The following PRELID2 variants were observed in gnomAD, a reference collection of about 807,000 sequenced individuals.
PRELID2 encodes the protein PRELI domain containing 2.
A neutral mutation model predicts 28.4 loss-of-function variants in PRELID2; 25 were observed. The ratio of observed to expected loss-of-function variants is 0.88; its 90% CI spans 0.64 to 1.23. The LOEUF (loss-of-function observed/expected upper bound fraction) is 1.23, where lower values mean the gene tolerates loss of function less well. PRELID2 is among the 50% of genes most tolerant of loss of function. The pLI, the probability that PRELID2 is intolerant of heterozygous loss-of-function variation, is 0.00. For missense variants in PRELID2, 201 were observed against 214.4 expected, an observed-to-expected ratio of 0.94 and a Z score of 0.39; for synonymous variants, 76 against 71.6, an observed-to-expected ratio of 1.06 and a Z score of -0.31.
the PRELID2 span, among the ~76,000 whole-genome samples, chr5:145,335,826 T>C: frequency 6.6e-6 from 1 of 152,332 alleles, no homozygotes; most frequent in African/African-American, 2.4e-5. Flanking sequence ...TTTCTAGTTC[T>C]AGATCCCTGA....
At chr5:145,588,321 G>A (rs575835731) in intron 1 of PRELID2, among the ~76,000 whole-genome samples, 2 of 152,136 alleles carry the variant, frequency 1.3e-5, no homozygotes, top group Admixed American at 6.5e-5. Context: ...AATTCCTCCT[G>A]AGCAGCACAT....
the PRELID2 span, among the ~76,000 whole-genome samples, chr5:145,233,168 T>C: frequency 6.6e-6 from 1 of 152,152 alleles, no homozygotes; most frequent in Non-Finnish European, 1.5e-5. Context: ...AATTTACCCA[T>C]GATCATACTG....
chr5:145,413,241 C>A, the PRELID2 span, among the ~76,000 whole-genome samples: 1 of 152,302 alleles, frequency 6.6e-6, no homozygotes, highest in East Asian at 1.9e-4. Flanking sequence ...AAATGCTCAA[C>A]ATCACTAATG....
At chr5:145,764,899 T>G (rs1561581934) in intron 6 of PRELID2, 32 bp downstream of exon 6, 9 of 1,515,338 alleles carry the variant, frequency 5.9e-6, no homozygotes, top group Non-Finnish European at 8.2e-6. Flanking sequence ...ATGGCTTGTG[T>G]AAATAATTCT....
At chr5:145,703,326 T>C (rs1755457744) in intron 1 of PRELID2, among the ~76,000 whole-genome samples, 1 of 152,248 alleles carries the variant, frequency 6.6e-6, no homozygotes, top group South Asian at 2.1e-4. Context: ...TATTACCAAA[T>C]ACCCTTGATG....
the PRELID2 span, chr5:145,430,010 C>T: frequency 6.6e-6 from 1 of 152,402 alleles, no homozygotes; most frequent in South Asian, 2.1e-4. Flanking sequence ...GTCTGTATTA[C>T]CTGAATGCAG....
intron 1 of PRELID2, among the ~76,000 whole-genome samples, chr5:145,503,068 G>A (rs936770233): frequency 6.6e-6 from 1 of 152,146 alleles, no homozygotes; most frequent in Non-Finnish European, 1.5e-5. Context: ...GGATGGCTGG[G>A]AGAGTATTCA....
chr5:145,811,724 G>C (rs944659553), intron 4 of PRELID2, among the ~76,000 whole-genome samples: 2 of 152,204 alleles, frequency 1.3e-5, no homozygotes, highest in Admixed American at 1.3e-4. Context: ...AAAATAGCCA[G>C]ACACAGAAAA....
chr5:145,419,633 C>T, the PRELID2 span, among the ~76,000 whole-genome samples: 2 of 151,380 alleles, frequency 1.3e-5, no homozygotes, highest in Non-Finnish European at 2.9e-5. Context: ...GATATTAGCC[C>T]TTTGTCAGAT....
At chr5:145,583,407 T>C (rs1415436813) in intron 1 of PRELID2, among the ~76,000 whole-genome samples, 3 of 152,016 alleles carry the variant, frequency 2.0e-5, no homozygotes, top group Non-Finnish European at 4.4e-5. Context: ...CTCTCACCAT[T>C]CCTATTCAAC....
At chr5:145,380,914 G>A in the PRELID2 span, among the ~76,000 whole-genome samples, 3 of 152,132 alleles carry the variant, frequency 2.0e-5, no homozygotes, top group Non-Finnish European at 4.4e-5. Flanking sequence ...ATGGGACACA[G>A]GTTTTATGCA....
intron 5 of PRELID2, among the ~76,000 whole-genome samples, chr5:145,788,965 T>C (rs1752186287): frequency 6.6e-6 from 1 of 152,118 alleles, no homozygotes; most frequent in African/African-American, 2.4e-5. Context: ...AAAAGATCTC[T>C]ACACTGAAAA....
chr5:145,573,222 T>C (rs754443199), intron 1 of PRELID2, among the ~76,000 whole-genome samples: 38 of 152,180 alleles, frequency 2.5e-4, no homozygotes, highest in Admixed American at 1.2e-3. Context: ...TTCTACATTC[T>C]AGCAACCTCA....
chr5:145,311,347 C>T, the PRELID2 span, among the ~76,000 whole-genome samples: 22 of 152,204 alleles, frequency 1.4e-4, no homozygotes, highest in African/African-American at 4.8e-4. Context: ...CATTTCTTGC[C>T]GAGAAGAGAC....
At chr5:145,513,143 G>C (rs535386826) in intron 1 of PRELID2, among the ~76,000 whole-genome samples, 7 of 151,976 alleles carry the variant, frequency 4.6e-5, no homozygotes, top group Non-Finnish European at 8.8e-5. Context: ...CGAATTTGAC[G>C]AGTTGATAGA....
At position 145,833,117 on chromosome 5, in the gene PRELID2, T is replaced by C. The variant is rs1167271159; in HGVS notation, c.75+2060A>G. Reference sequence around the variant, plus strand: ...AAGCTTGGCACACAGAAGATAAGTATTCAACAAAAGAAAAGCATTTACCAA... The same window carrying C: ...AAGCTTGGCACACAGAAGATAAGTACTCAACAAAAGAAAAGCATTTACCAA... On this transcript the variant is annotated intron_variant, in intron 1 of 6. Coordinates refer to ENST00000683046, the MANE Select transcript of PRELID2 (RefSeq NM_205846.3). Among the ~76,000 whole-genome samples, 5 of 152,210 alleles carry C rather than the reference T, an allele frequency of 3.3e-5. No individual in the cohort carries two copies. The East Asian group carries it at 9.6e-4, about 29-fold the overall frequency.
At chr5:145,373,011 A>G in the PRELID2 span, among the ~76,000 whole-genome samples, 2 of 119,388 alleles carry the variant, frequency 1.7e-5, no homozygotes, top group African/African-American at 6.5e-5. Context: ...TATATAATAT[A>G]TATATTATAT....
the PRELID2 span, among the ~76,000 whole-genome samples, chr5:145,380,182 C>T: frequency 1.3e-5 from 2 of 152,162 alleles, no homozygotes; most frequent in African/African-American, 4.8e-5. Context: ...TGCCGGGGTC[C>T]CAGAGGCCCA....
At chr5:145,235,051 C>T in the PRELID2 span, among the ~76,000 whole-genome samples, 1 of 151,958 alleles carries the variant, frequency 6.6e-6, no homozygotes, top group Admixed American at 6.6e-5. Flanking sequence ...GTAACAGGAC[C>T]ATAATATTAT....
Sources: gnomAD v4.1 joint callset for allele counts (sites outside exome capture counted in the v4.1 genomes callset) on GRCh38, gnomAD v4.1.1 for gene constraint, MANE v1.5 for transcripts, NCBI Gene and HGNC (gene_info 2026-07-23, HGNC 2026-07-21) for gene names.